The following NLRC5 variants were observed in gnomAD, a reference collection of about 807,000 sequenced individuals.
NLRC5 encodes the protein protein NLRC5.
A neutral mutation model predicts 206.9 loss-of-function variants in NLRC5; 114 were observed. The observed-to-expected ratio is 0.55, with a 90% CI of 0.47 to 0.64. NLRC5 has a LOEUF of 0.64. NLRC5 is among the 30% of genes least tolerant of loss of function. NLRC5 has a pLI of 0.00. For missense variants in NLRC5, 2,008 were observed against 2,305.5 expected (o/e 0.87, Z 2.64); for synonymous variants, 952 against 962.8 (o/e 0.99, Z 0.21).
At position 57,026,291 on chromosome 16, in the gene NLRC5, G is replaced by A. The variant is rs1223208176; in HGVS notation, c.1348G>A (p.Gly450Arg). 1 of 1,614,024 alleles carries A rather than the reference G, an allele frequency of 6.2e-7. No homozygotes were observed. The highest frequency in any genetic ancestry group is 1.1e-5 in the South Asian group (1 of 91,082). Residue 450 changes from glycine to arginine, a missense_variant, in exon 6 of 49, where the codon GGG becomes AGG. Physicochemically the swap from Gly to Arg is moderately radical, Grantham distance 125. Transcript: ENST00000688547. ...MQMVLALSPPGHLPTSSLLDL... is the reference protein window; with the variant it reads ...MQMVLALSPPRHLPTSSLLDL... ...GATGGTGCTCGCCCTCAGCCCCCCT[G>A]GGCACTTGCCCACCTCGTCCCTACT...
intron 32 of NLRC5, 97 bp downstream of exon 32, chr16:57,061,798 C>A: frequency 1.3e-6 from 2 of 1,544,260 alleles, no homozygotes; most frequent in South Asian, 2.4e-5. Flanking sequence ...TGGCCCCAGT[C>A]ATTTCCTGTA....
Position 57,033,680 on chromosome 16 carries a change from G to A in NLRC5, c.2543+11G>A. 6.2e-7 allele frequency: 1 copy of A among 1,612,922 alleles called. No homozygotes were observed. Among genetic ancestry groups the A allele is most frequent in the Non-Finnish European group, 8.5e-7 (1 of 1,178,966 alleles). ...AAGCTTGACGCTCAGGTACCTTGGAGGGATCTATTGCCTTAGGAGAGGGAT... is the reference window on the plus strand; with the variant it reads ...AAGCTTGACGCTCAGGTACCTTGGAAGGATCTATTGCCTTAGGAGAGGGAT... On this transcript the variant is annotated intron_variant, in intron 12 of 48. Transcript: ENST00000688547.
intron 11 of NLRC5, among the ~76,000 whole-genome samples, chr16:57,032,477 A>G (rs1431823991): frequency 6.7e-6 from 1 of 149,040 alleles, no homozygotes; most frequent in East Asian, 1.9e-4. Flanking sequence ...CACTAGCCCC[A>G]TATGGCTATT....
chr16:56,999,464 G>A (rs1290853685), intron 1 of NLRC5, among the ~76,000 whole-genome samples: 1 of 152,178 alleles, frequency 6.6e-6, no homozygotes, highest in Non-Finnish European at 1.5e-5. Context: ...TTTATGTCTC[G>A]AGCTTACTCT....
chr16:57,045,197 A>T, intron 20 of NLRC5: 1 of 484,272 alleles, frequency 2.1e-6, no homozygotes, highest in South Asian at 2.0e-5. Context: ...ACAGAGCAAG[A>T]CCCTTTCTTC....
intron 18 of NLRC5, 38 bp from the exon 19 acceptor site, chr16:57,041,944 C>T (rs866223606): frequency 7.0e-7 from 1 of 1,428,160 alleles, no homozygotes; most frequent in Admixed American, 2.5e-5. Flanking sequence ...CCACTCCCCA[C>T]CTGCTAATGT....
chr16:57,009,319 C>T lies in NLRC5; in HGVS notation c.-127-7755C>T, dbSNP rs563951044. Among the ~76,000 whole-genome samples, 8 of 150,238 alleles carry T rather than the reference C, an allele frequency of 5.3e-5. No individual in the cohort carries two copies. In the South Asian group the frequency reaches 1.1e-3, roughly 20 times the overall value. ...AAATAAATAAATAAATAAAGCTGGG[C>T]GCAGTGGCTCATGCCTCTAATCACA... On this transcript the variant is annotated intron_variant, in intron 1 of 48. Coordinates refer to ENST00000688547, the MANE Select transcript of NLRC5 (RefSeq NM_001384950.1).
chr16:57,058,082 T>A lies in NLRC5; in HGVS notation c.3764T>A (p.Leu1255Gln). 2 of 1,612,588 alleles carry A rather than the reference T, an allele frequency of 1.2e-6. No individual in the cohort carries two copies. Among genetic ancestry groups the A allele is most frequent in the Non-Finnish European group, 1.7e-6 (2 of 1,179,324 alleles). ...LSQVDLSANL[L>Q]GDSGLRCLLE... ...CCCTACAGTCTCTCAGCAAACCTGC[T>A]GGGCGACAGCGGACTCAGATGCCTT... The change falls in exon 28 of 49, where the codon CTG becomes CAG. Residue 1255 changes from leucine (L) to glutamine (Q), a missense_variant. By Grantham distance (113) the Leu-to-Gln change is moderately radical (BLOSUM62 -2). Coordinates refer to ENST00000688547, the MANE Select transcript of NLRC5 (RefSeq NM_001384950.1).
At chr16:57,032,999 A>C (rs1232410935) in intron 11 of NLRC5, among the ~76,000 whole-genome samples, 1 of 146,554 alleles carries the variant, frequency 6.8e-6, no homozygotes, top group South Asian at 2.1e-4. Flanking sequence ...CCTGTCTCTA[A>C]AAAAAAAAAA....
At chr16:57,053,829 C>T (rs2065252467) in intron 24 of NLRC5, among the ~76,000 whole-genome samples, 1 of 152,088 alleles carries the variant, frequency 6.6e-6, no homozygotes, top group Non-Finnish European at 1.5e-5. Context: ...GCACCCGTTC[C>T]TCATTTGGGT....
In NLRC5 at chr16:57,041,950, A is replaced by G; in HGVS notation, c.3030-32A>G. The G allele has an allele frequency of 2.0e-6, 3 of 1,480,134 alleles. No homozygotes were observed. In the South Asian group the frequency reaches 3.9e-5, roughly 19 times the overall value. The allele number at this position is 1,480,134 out of a possible 1,614,324, so 91.7% of individuals were successfully genotyped here. A position where few individuals can be genotyped will look rare whatever the true frequency, so the allele number is the denominator to read the frequency against. On this transcript the variant is annotated intron_variant, in intron 18 of 48. Coordinates refer to ENST00000688547, the MANE Select transcript of NLRC5 (RefSeq NM_001384950.1). Reference sequence around the variant, plus strand: ...GCCAGCAACCCACTCCCCACCTGCTAATGTTCTCCCCTCCCTTCTCCCCAC... The same window carrying G: ...GCCAGCAACCCACTCCCCACCTGCTGATGTTCTCCCCTCCCTTCTCCCCAC...
chr16:57,041,361 A>G, intron 17 of NLRC5, 124 bp from the exon 18 acceptor site: 2 of 713,326 alleles, frequency 2.8e-6, no homozygotes, highest in East Asian at 2.7e-5. Context: ...GGTGCCAGAT[A>G]CATCCCAGTC....
At chr16:57,008,664 T>G (rs1003663646) in intron 1 of NLRC5, among the ~76,000 whole-genome samples, 1 of 152,204 alleles carries the variant, frequency 6.6e-6, no homozygotes, top group Admixed American at 6.5e-5. Context: ...CAAATTATAA[T>G]TTCAATCTAC....
intron 36 of NLRC5, among the ~76,000 whole-genome samples, chr16:57,068,959 C>G (rs1221637336): frequency 1.3e-5 from 2 of 152,220 alleles, no homozygotes; most frequent in Non-Finnish European, 2.9e-5. Context: ...AGAGTCTGCC[C>G]TTTGGGCAGG....
Position 57,033,641 on chromosome 16 carries a change from G to A in NLRC5, c.2515G>A (p.Gly839Arg). 6.2e-7 allele frequency: 1 copy of A among 1,614,138 alleles called. No homozygotes were observed. Residue 839 changes from glycine to arginine, a missense_variant, in exon 12 of 49, where the codon GGG becomes AGG. Physicochemically the swap from Gly to Arg is moderately radical, Grantham distance 125. Coordinates refer to ENST00000688547, the MANE Select transcript of NLRC5 (RefSeq NM_001384950.1). ...GCAGGAAAGTGACGGCCAGAGGAAA[G>A]GGGCTCAGAGCAGAAGCTTGACGCT... Reference protein sequence around the residue: ...DLQESDGQRKGAQSRSLTLRL... With the variant: ...DLQESDGQRKRAQSRSLTLRL...
At chr16:57,031,306 G>A in intron 10 of NLRC5, 98 bp from the exon 11 acceptor site, 1 of 1,293,292 alleles carries the variant, frequency 7.7e-7, no homozygotes, top group Admixed American at 1.8e-5. Flanking sequence ...GCTTTATCTG[G>A]ATGTTTGAAC....
chr16:57,025,613 A>T lies in NLRC5; in HGVS notation c.670A>T (p.Thr224Ser), dbSNP rs2142998276. ...NTRVNKGPRVTVLLGKAGMGK... is the reference protein window; with the variant it reads ...NTRVNKGPRVSVLLGKAGMGK... The stretch of plus-strand genomic sequence containing the variant: ...CAGGGTTAACAAGGGCCCGAGGGTG[A>T]CCGTGCTTTTGGGGAAGGCTGGCAT... Residue 224 changes from threonine to serine, a missense_variant, in exon 6 of 49, where the codon ACC becomes TCC. Thr to Ser is a moderately conservative substitution (Grantham distance 58). Transcript: ENST00000688547. 6.2e-7 allele frequency: 1 copy of T among 1,614,114 alleles called. No homozygotes were observed. The highest frequency in any genetic ancestry group is 1.1e-5 in the South Asian group (1 of 91,074).
intron 11 of NLRC5, 115 bp downstream of exon 11, chr16:57,031,578 C>T: frequency 2.1e-6 from 2 of 931,288 alleles, no homozygotes. Flanking sequence ...GGGAATTCTT[C>T]CTGCTACTGC....
intron 1 of NLRC5, among the ~76,000 whole-genome samples, chr16:57,012,892 A>T (rs1176319134): frequency 1.3e-5 from 2 of 152,118 alleles, no homozygotes; most frequent in African/African-American, 4.8e-5. Flanking sequence ...CATTACAGCC[A>T]TTCTATGTGG....
Sources: gnomAD v4.1 joint callset for allele counts (sites outside exome capture counted in the v4.1 genomes callset) on GRCh38, gnomAD v4.1.1 for gene constraint, MANE v1.5 for transcripts, NCBI Gene and HGNC (gene_info 2026-07-23, HGNC 2026-07-21) for gene names.